The following AHRR variants were observed in gnomAD, a reference collection of about 807,000 sequenced individuals.
AHRR encodes aryl hydrocarbon receptor repressor, also known as ahR repressor.
A neutral mutation model predicts 44.0 loss-of-function variants in AHRR; 28 were observed. The ratio of observed to expected loss-of-function variants is 0.64; its 90% CI spans 0.47 to 0.87. AHRR has a LOEUF of 0.87. AHRR is among the 40% of genes least tolerant of loss of function. The pLI is 0.00. For missense variants in AHRR, 990 were observed against 953.9 expected (o/e 1.04, Z -0.50); for synonymous variants, 434 against 407.0 (o/e 1.07, Z -0.80).
Position 419,787 on chromosome 5 carries a change from A to G in AHRR, c.442-2942A>G, listed in dbSNP as rs1735985316. On this transcript the variant is annotated intron_variant, in intron 5 of 10. Coordinates refer to ENST00000684583, the MANE Select transcript of AHRR (RefSeq NM_001377236.1). The surrounding 1 kb of genome is among the most constrained non-coding windows in gnomAD (Gnocchi z 4.4). ...GAAGTGTCCCCACACCATTTTCCAT[A>G]AGCTGTGAAACAAATGTCATAAGGT... Among the ~76,000 whole-genome samples, 1 of 152,078 alleles carries G rather than the reference A, an allele frequency of 6.6e-6. No homozygotes were observed. Among genetic ancestry groups the G allele is most frequent in the South Asian group, 2.1e-4 (1 of 4,824 alleles).
rs1019362081 is a variant in AHRR, at chr5:395,760, T to C, written c.352-17584T>C. 4.6e-5 allele frequency among the ~76,000 whole-genome samples: 7 copies of C among 152,202 alleles called. No homozygotes were observed. Among genetic ancestry groups the C allele is most frequent in the Non-Finnish European group, 5.9e-5 (4 of 68,038 alleles). On this transcript the variant is annotated intron_variant, in intron 4 of 10. Transcript: ENST00000684583. This position sits in a 1 kb window ranked among gnomAD's most constrained non-coding sequence, Gnocchi z 5.3. ...GACACTCCTCCGCCACAGGCTGCTG[T>C]CCTAAAGAAAGGCCTAGAAGCCCTC...
At position 387,821 on chromosome 5, in the gene AHRR, C is replaced by T. The variant is rs1331045516; in HGVS notation, c.351+11105C>T. Among the ~76,000 whole-genome samples the T allele has an allele frequency of 6.6e-6, 1 of 152,264 alleles. No homozygotes were observed. The highest frequency in any genetic ancestry group is 1.5e-5 in the Non-Finnish European group (1 of 68,052). ...ATGACTGCAAACTGTGTGGCTCGAA[C>T]AACAGGGGTTATTCTTCACAGCCTG... is the stretch of plus-strand genomic sequence containing the variant. On this transcript the variant is annotated intron_variant, in intron 4 of 10. Transcript: ENST00000684583. The surrounding 1 kb of genome is among the most constrained non-coding windows in gnomAD (Gnocchi z 5.1).
chr5:371,854 G>A (rs1351492568), intron 3 of AHRR, among the ~76,000 whole-genome samples: 1 of 152,198 alleles, frequency 6.6e-6, no homozygotes, highest in Non-Finnish European at 1.5e-5. Flanking sequence ...GCCCCTGTCT[G>A]TGGAGTTCTG....
Position 432,928 on chromosome 5 carries a change from G to A in AHRR, c.1093G>A (p.Asp365Asn). Residue 365 changes from aspartate (D) to asparagine (N), a missense_variant, in exon 10 of 11, where the codon GAC becomes AAC. Transcript: ENST00000684583. ...CLRGGPDLVLDPKGGSGDREE... is the reference protein window; with the variant it reads ...CLRGGPDLVLNPKGGSGDREE... ...CCGGGGTGGCCCTGACCTTGTCCTT[G>A]ACCCCAAGGGGGGCTCAGGGTAAGT... is the stretch of plus-strand genomic sequence containing the variant. 1 of 1,609,788 alleles carries A rather than the reference G, an allele frequency of 6.2e-7. No individual in the cohort carries two copies. Among genetic ancestry groups the A allele is most frequent in the Non-Finnish European group, 8.5e-7 (1 of 1,177,942 alleles).
At chr5:330,158 G>A (rs982256999) in intron 1 of AHRR, among the ~76,000 whole-genome samples, 3 of 152,056 alleles carry the variant, frequency 2.0e-5, no homozygotes, top group Admixed American at 6.5e-5. Flanking sequence ...CTAGTTTTTT[G>A]AGGATTTTTA....
intron 3 of AHRR, among the ~76,000 whole-genome samples, chr5:366,605 T>C (rs1272294711): frequency 2.6e-5 from 4 of 152,164 alleles, no homozygotes; most frequent in African/African-American, 9.7e-5. Context: ...GAAAATGGGA[T>C]GAGACAGGAT....
At chr5:415,730 G>GCCGAGT (rs1560916547) in intron 5 of AHRR, among the ~76,000 whole-genome samples, 3 of 152,218 alleles carry the variant, frequency 2.0e-5, no homozygotes, top group Non-Finnish European at 2.9e-5. Flanking sequence ...AGGCCTAGGG[G>GCCGAGT]CTGTGCAGAG....
intron 3 of AHRR, among the ~76,000 whole-genome samples, chr5:366,943 T>G (rs1397108497): frequency 6.6e-6 from 1 of 152,254 alleles, no homozygotes; most frequent in Non-Finnish European, 1.5e-5. Flanking sequence ...ACTAAGGCAG[T>G]GTGGCGATGG....
intron 4 of AHRR, among the ~76,000 whole-genome samples, chr5:413,059 C>T (rs1372757875): frequency 1.3e-5 from 2 of 152,126 alleles, no homozygotes; most frequent in Non-Finnish European, 2.9e-5. Context: ...GAGCTCCTGC[C>T]TCGTCTTAGG....
chr5:416,406 C>T (rs75855866), intron 5 of AHRR, among the ~76,000 whole-genome samples: 4,398 of 152,358 alleles, frequency 0.029, 194 homozygotes, highest in African/African-American at 0.099. Context: ...CCCTGGTGCC[C>T]GGCACGGCGT....
rs775170923 is a variant in AHRR, at chr5:436,555, A to T, written c.*1721A>T. The stretch of plus-strand genomic sequence containing the variant: ...GATCTCCTCTCAGTACTGGAAGAGA[A>T]CAGCCAACCATCTGAGCCCAGAGTC... On this transcript the variant is annotated 3_prime_UTR_variant, in exon 11 of 11. Coordinates refer to ENST00000684583, the MANE Select transcript of AHRR (RefSeq NM_001377236.1). The T allele has an allele frequency of 1.3e-5, 2 of 152,366 alleles. No homozygotes were observed. The highest frequency in any genetic ancestry group is 2.4e-5 in the African/African-American group (1 of 41,422). 9.4% of individuals were successfully genotyped at this position (152,366 alleles called of 1,614,324 possible).
chr5:325,449 A>G (rs1245810982), intron 1 of AHRR, among the ~76,000 whole-genome samples: 1 of 152,240 alleles, frequency 6.6e-6, no homozygotes, highest in African/African-American at 2.4e-5. Flanking sequence ...TTCCTGTTTG[A>G]GTCGAAAGGC....
chr5:370,072 G>A lies in AHRR; in HGVS notation c.245-6538G>A, dbSNP rs62331566. 0.39 allele frequency among the ~76,000 whole-genome samples: 56,061 copies of A among 144,874 alleles called. 14,058 individuals are homozygous for A. Among genetic ancestry groups the A allele is most frequent in the Non-Finnish European group, 0.54 (34,798 of 64,234 alleles). Reference sequence around the variant, plus strand: ...GCTCTTGCTGGTGCCCCATCCTCCCGGGCCCTCGCTGGAAGCCCCGTCCTC... The same window carrying A: ...GCTCTTGCTGGTGCCCCATCCTCCCAGGCCCTCGCTGGAAGCCCCGTCCTC... On this transcript the variant is annotated intron_variant, in intron 3 of 10. Coordinates refer to ENST00000684583, the MANE Select transcript of AHRR (RefSeq NM_001377236.1). This position sits in a 1 kb window ranked among gnomAD's most constrained non-coding sequence, Gnocchi z 4.5.
At chr5:376,481 T>A in intron 3 of AHRR, 129 bp from the exon 4 acceptor site, 1 of 27,578 alleles carries the variant, frequency 3.6e-5, no homozygotes, top group East Asian at 5.6e-4. Flanking sequence ...GAGGGGTCAG[T>A]GCAGCCCAGG....
chr5:435,889 A>C lies in AHRR; in HGVS notation c.*1055A>C, dbSNP rs913418082. ...GAGTAGGAAATTTGGATACAAAAGC[A>C]TAAGTCAGAAAGTGAAGGTCACCAA... On this transcript the variant is annotated 3_prime_UTR_variant, in exon 11 of 11. Transcript: ENST00000684583. The C allele has an allele frequency of 6.5e-6, 1 of 152,820 alleles. No individual in the cohort carries two copies. Among genetic ancestry groups the C allele is most frequent in the East Asian group, 1.9e-4 (1 of 5,332 alleles). 9.5% of individuals were successfully genotyped at this position (152,820 alleles called of 1,614,324 possible). A position where few individuals can be genotyped will look rare whatever the true frequency, so the allele number is the denominator to read the frequency against.
intron 4 of AHRR, among the ~76,000 whole-genome samples, chr5:385,907 C>G (rs900383039): frequency 6.6e-6 from 1 of 152,054 alleles, no homozygotes; most frequent in African/African-American, 2.4e-5. Context: ...TCATTTTTTT[C>G]AATGTTTTCT....
intron 2 of AHRR, among the ~76,000 whole-genome samples, chr5:350,938 CAA>C (rs1416092918): frequency 6.6e-6 from 1 of 151,552 alleles, no homozygotes; most frequent in Non-Finnish European, 1.5e-5. Context: ...TAAAACTGGG[CAA>C]AAGACTTGAA....
At position 434,428 on chromosome 5, in the gene AHRR, C is replaced by T; in HGVS notation, c.1688C>T (p.Pro563Leu). The T allele has an allele frequency of 6.2e-7, 1 of 1,613,362 alleles. No individual in the cohort carries two copies. Among genetic ancestry groups the T allele is most frequent in the Non-Finnish European group, 8.5e-7 (1 of 1,179,974 alleles). ...VWLGASDRSH[P>L]ATFPTRMHLK... ...CTGGGGGCCAGTGACAGGAGCCACC[C>T]AGCCACCTTCCCTACCAGGATGCAC... is the stretch of plus-strand genomic sequence containing the variant. Residue 563 changes from proline (P) to leucine (L), a missense_variant, in exon 11 of 11, where the codon CCA becomes CTA. Coordinates refer to ENST00000684583, the MANE Select transcript of AHRR (RefSeq NM_001377236.1).
At chr5:377,430 C>T (rs1733772825) in intron 4 of AHRR, among the ~76,000 whole-genome samples, 1 of 152,098 alleles carries the variant, frequency 6.6e-6, no homozygotes, top group Non-Finnish European at 1.5e-5. Flanking sequence ...AGTGGGCTTG[C>T]AGGGAGGAGG....
Sources: gnomAD v4.1 joint callset for allele counts (sites outside exome capture counted in the v4.1 genomes callset) on GRCh38, gnomAD v4.1.1 for gene constraint, Gnocchi (gnomAD v3.1) non-coding constraint, MANE v1.5 for transcripts, NCBI Gene and HGNC (gene_info 2026-07-23, HGNC 2026-07-21) for gene names.